The following PON2 variants were observed in gnomAD, a reference collection of about 807,000 sequenced individuals.
PON2 encodes the protein paraoxonase 2.
Under a neutral mutation model 36.6 loss-of-function variants are expected in PON2, and 27 were observed. The ratio of observed to expected loss-of-function variants is 0.74; its 90% CI spans 0.54 to 1.02. PON2 has a LOEUF of 1.02. Ranked by LOEUF, PON2 falls within the 50% of genes least tolerant of loss-of-function variation. The probability of loss-of-function intolerance (pLI) is 0.00; values close to 1 mark genes in which losing one functional copy is unlikely to be tolerated. For synonymous variants in PON2, 149 were observed against 156.3 expected, an observed-to-expected ratio of 0.95 and a Z score of 0.35; for missense variants, 363 against 421.1, an observed-to-expected ratio of 0.86 and a Z score of 1.21.
At chr7:95,433,598 G>T (rs1445585283) in intron 1 of PON2, among the ~76,000 whole-genome samples, 3 of 136,662 alleles carry the variant, frequency 2.2e-5, no homozygotes, top group Non-Finnish European at 4.8e-5. Context: ...TTGGGCCTAT[G>T]AAAGTGGGGC....
chr7:95,422,144 AT>A (rs1357585964), intron 2 of PON2, among the ~76,000 whole-genome samples: 6 of 152,252 alleles, frequency 3.9e-5, no homozygotes, highest in Non-Finnish European at 1.5e-5. Flanking sequence ...TAAAAGGGGA[AT>A]GGTTAAATAA....
intron 1 of PON2, among the ~76,000 whole-genome samples, chr7:95,425,715 AG>A (rs534211866): frequency 6.6e-6 from 1 of 152,220 alleles, no homozygotes; most frequent in South Asian, 2.1e-4. Flanking sequence ...AATGACTCAT[AG>A]GTTGTACCAA....
chr7:95,415,869 T>C (rs1183578950), intron 3 of PON2: 2 of 222,130 alleles, frequency 9.0e-6, no homozygotes, highest in East Asian at 2.3e-4. Context: ...AAAGAATTGC[T>C]TGAACCCGGG....
intron 2 of PON2, among the ~76,000 whole-genome samples, chr7:95,417,204 C>T (rs1459630130): frequency 6.6e-6 from 1 of 152,174 alleles, no homozygotes; most frequent in Non-Finnish European, 1.5e-5. Context: ...CAAACAGCAT[C>T]TATCTATCCA....
At chr7:95,406,770 G>A (rs946051445) in intron 7 of PON2, among the ~76,000 whole-genome samples, 1 of 152,068 alleles carries the variant, frequency 6.6e-6, no homozygotes, top group South Asian at 2.1e-4. Flanking sequence ...CCCTAAATCT[G>A]ATGAATATCA....
chr7:95,405,509 A>G (rs9641164), intron 8 of PON2, 21 bp from the exon 9 acceptor site: 2 of 1,605,858 alleles, frequency 1.2e-6, no homozygotes, highest in Non-Finnish European at 1.7e-6. Context: ...GATACAAAGT[A>G]TGAATATAAG....
chr7:95,430,596 G>A (rs1250319357), intron 1 of PON2, among the ~76,000 whole-genome samples: 4 of 151,860 alleles, frequency 2.6e-5, no homozygotes, highest in Admixed American at 6.6e-5. Flanking sequence ...ACCGTGCCCG[G>A]CCATGTTTTT....
chr7:95,428,651 A>C (rs1049781631), intron 1 of PON2, among the ~76,000 whole-genome samples: 1 of 152,216 alleles, frequency 6.6e-6, no homozygotes, highest in Non-Finnish European at 1.5e-5. Context: ...TTAATTTAAA[A>C]AGCATATTAT....
Position 95,416,261 on chromosome 7 carries a change from C to T in PON2, c.182G>A (p.Gly61Asp), listed in dbSNP as rs1312393711. The T allele has an allele frequency of 1.9e-6, 3 of 1,613,186 alleles. No homozygotes were observed. Among genetic ancestry groups the T allele is most frequent in the Non-Finnish European group, 2.5e-6 (3 of 1,179,342 alleles). ...ACTCACCACACTAAAAAAAGCCAGACCATTGGGAAGTATGTCAATATCTTC... is the reference window on the plus strand; with the variant it reads ...ACTCACCACACTAAAAAAAGCCAGATCATTGGGAAGTATGTCAATATCTTC... ...GSEDIDILPN[G>D]LAFFSVGLKF... Residue 61 changes from glycine to aspartate, a missense_variant, in exon 3 of 9, where the codon GGT (glycine) becomes GAT (aspartate). By Grantham distance (94) the Gly-to-Asp change is moderately conservative (BLOSUM62 -1). Coordinates refer to ENST00000222572, the MANE Select transcript of PON2 (RefSeq NM_000305.3).
At chr7:95,434,768 C>G in intron 1 of PON2, 110 bp downstream of exon 1, 1 of 1,254,652 alleles carries the variant, frequency 8.0e-7, no homozygotes, top group East Asian at 3.0e-5. Flanking sequence ...CCCCCGGCCG[C>G]AGGGCCAGGT....
At chr7:95,418,793 T>C (rs1407406727) in intron 2 of PON2, among the ~76,000 whole-genome samples, 2 of 152,296 alleles carry the variant, frequency 1.3e-5, no homozygotes, top group South Asian at 2.1e-4. Flanking sequence ...GTCACTCTTA[T>C]TGTGTGCTTG....
chr7:95,432,881 T>A lies in PON2; in HGVS notation c.74+1997A>T, dbSNP rs557991623. Among the ~76,000 whole-genome samples the A allele has an allele frequency of 3.3e-5, 5 of 152,320 alleles. No homozygotes were observed. The South Asian group carries it at 1.0e-3, about 32-fold the overall frequency. ...CTACAACCATGGGACAGTGGAGCTG[T>A]GGCACAAACTCTGGTAGCACCTTTG... On this transcript the variant is annotated intron_variant, in intron 1 of 8. Coordinates refer to ENST00000222572, the MANE Select transcript of PON2 (RefSeq NM_000305.3).
intron 6 of PON2, among the ~76,000 whole-genome samples, chr7:95,407,515 C>A (rs144149759): frequency 6.0e-4 from 91 of 152,118 alleles, no homozygotes; most frequent in African/African-American, 2.1e-3. Flanking sequence ...TAATACATAG[C>A]GAATTTTAAG....
chr7:95,426,229 C>A (rs1789312631), intron 1 of PON2, among the ~76,000 whole-genome samples: 1 of 151,114 alleles, frequency 6.6e-6, no homozygotes, highest in Non-Finnish European at 1.5e-5. Flanking sequence ...GCACATGTAC[C>A]CCTTGAATCT....
chr7:95,414,287 A>C (rs1024746094), intron 3 of PON2, among the ~76,000 whole-genome samples: 5 of 152,244 alleles, frequency 3.3e-5, no homozygotes, highest in Non-Finnish European at 7.3e-5. Flanking sequence ...TCCACAATGT[A>C]GGACCTCTTT....
Position 95,405,145 on chromosome 7 carries a change from C to A in PON2, c.*185G>T. ...GTCCCTTGCTTGGCATTTTAAAGAACCTGTTCATTTTCCTTTTTTGTTAAA... is the reference window on the plus strand; with the variant it reads ...GTCCCTTGCTTGGCATTTTAAAGAAACTGTTCATTTTCCTTTTTTGTTAAA... On this transcript the variant is annotated 3_prime_UTR_variant, in exon 9 of 9. Coordinates refer to ENST00000222572, the MANE Select transcript of PON2 (RefSeq NM_000305.3). The A allele has an allele frequency of 1.7e-6, 1 of 597,978 alleles. No homozygotes were observed. The highest frequency in any genetic ancestry group is 2.9e-5 in the East Asian group (1 of 34,492). The allele number at this position is 597,978 out of a possible 1,614,324, so 37.0% of individuals were successfully genotyped here.
chr7:95,431,023 G>A (rs775607863), intron 1 of PON2, among the ~76,000 whole-genome samples: 3 of 152,114 alleles, frequency 2.0e-5, no homozygotes, highest in Non-Finnish European at 4.4e-5. Context: ...GTACTCTGGG[G>A]GTTCCTGCCC....
In PON2 at chr7:95,420,969, C is replaced by T. The variant is rs531484974; in HGVS notation, c.145+3546G>A. Among the ~76,000 whole-genome samples the T allele has an allele frequency of 2.6e-5, 4 of 151,974 alleles. No individual in the cohort carries two copies. In the East Asian group the frequency reaches 7.7e-4, roughly 29 times the overall value. The stretch of plus-strand genomic sequence containing the variant: ...AAACGTTCATATGGTGTGTGCTAAC[C>T]ACAGGGCAAAAGCAAAAAAGAAAAA... On this transcript the variant is annotated intron_variant, in intron 2 of 8. Coordinates refer to ENST00000222572, the MANE Select transcript of PON2 (RefSeq NM_000305.3).
At chr7:95,424,215 C>G (rs1358388011) in intron 2 of PON2, 1 of 409,260 alleles carries the variant, frequency 2.4e-6, no homozygotes, top group Admixed American at 3.8e-5. Flanking sequence ...ACTGCAGCGG[C>G]CATACCTGAC....
Sources: gnomAD v4.1 joint callset for allele counts (sites outside exome capture counted in the v4.1 genomes callset) on GRCh38, gnomAD v4.1.1 for gene constraint, MANE v1.5 for transcripts, NCBI Gene and HGNC (gene_info 2026-07-23, HGNC 2026-07-21) for gene names.